The following TTLL5 variants were observed in gnomAD, a reference collection of about 807,000 sequenced individuals.
TTLL5 encodes tubulin tyrosine ligase like 5.
TTLL5 carries 132 observed loss-of-function variants against 168.4 expected under a neutral mutation model. That is an observed-to-expected ratio of 0.78 (90% CI 0.68 to 0.91). TTLL5 has a LOEUF of 0.91. Among genes scored for constraint, TTLL5 ranks in the 40% least tolerant of loss-of-function variants. The pLI is 0.00. For missense variants in TTLL5, 1,545 were observed against 1,581.5 expected (o/e 0.98, Z 0.39); for synonymous variants, 546 against 558.6 (o/e 0.98, Z 0.32).
chr14:75,763,867 C>G (rs1352381004), intron 18 of TTLL5, among the ~76,000 whole-genome samples: 1 of 152,182 alleles, frequency 6.6e-6, no homozygotes, highest in Non-Finnish European at 1.5e-5. Context: ...TTAGCCTTGT[C>G]CTATCTCTGC....
Position 75,771,753 on chromosome 14 carries a change from G to T in TTLL5, c.2035G>T (p.Ala679Ser), listed in dbSNP as rs370272277. The part of the protein sequence containing the change: ...GNLSKMQARI[A>S]FSAYLQHVQI... The stretch of plus-strand genomic sequence containing the variant: ...CTATAGCAAAATGCAGGCCCGAATA[G>T]CATTCTCTGCCTATCTCCAGCATGT... The change falls in exon 21 of 32, where the codon GCA (alanine) becomes TCA (serine). Residue 679 changes from alanine (A) to serine (S), a missense_variant. By Grantham distance (99) the Ala-to-Ser change is moderately conservative. Coordinates refer to ENST00000298832, the MANE Select transcript of TTLL5 (RefSeq NM_015072.5). 7 of 1,613,876 alleles carry T rather than the reference G, an allele frequency of 4.3e-6. No homozygotes were observed. The African/African-American group carries it at 9.3e-5, about 22-fold the overall frequency.
chr14:75,815,914 T>C (rs1894364712), intron 27 of TTLL5, among the ~76,000 whole-genome samples: 1 of 152,162 alleles, frequency 6.6e-6, no homozygotes, highest in Non-Finnish European at 1.5e-5. Context: ...CTAAGTGAAA[T>C]ATAAAACCCA....
intron 2 of TTLL5, among the ~76,000 whole-genome samples, chr14:75,667,597 T>C (rs946710881): frequency 1.3e-5 from 2 of 152,140 alleles, no homozygotes; most frequent in Admixed American, 1.3e-4. Flanking sequence ...AGCATCCACA[T>C]GCCATTTCTA....
At chr14:75,718,618 C>T (rs991114929) in intron 10 of TTLL5, among the ~76,000 whole-genome samples, 3 of 151,804 alleles carry the variant, frequency 2.0e-5, no homozygotes, top group African/African-American at 4.8e-5. Flanking sequence ...TTCTTTGTGC[C>T]ATTATGTATT....
intron 18 of TTLL5, among the ~76,000 whole-genome samples, chr14:75,762,995 C>T (rs1179351775): frequency 6.6e-6 from 1 of 151,854 alleles, no homozygotes; most frequent in Admixed American, 6.5e-5. Context: ...AGATTGTCTC[C>T]AATCACATTA....
chr14:75,783,482 G>A lies in TTLL5; in HGVS notation c.2938G>A (p.Ala980Thr), dbSNP rs1892174503. Residue 980 changes from alanine to threonine, a missense_variant, in exon 26 of 32, where the codon GCA (alanine) becomes ACA (threonine). Physicochemically the swap from Ala to Thr is moderately conservative, Grantham distance 58. Transcript: ENST00000298832. ...TCCCTTTTCTTCCTTCCAAAGTGCT[G>A]CACACATCTATAGCCAGAAACTGTC... ...IGPFSSFQSAAHIYSQKLSRP... is the reference protein window; with the variant it reads ...IGPFSSFQSATHIYSQKLSRP... The A allele has an allele frequency of 6.2e-7, 1 of 1,614,130 alleles. No homozygotes were observed.
chr14:75,833,879 C>CT (rs1431831743), intron 28 of TTLL5, among the ~76,000 whole-genome samples: 1 of 152,196 alleles, frequency 6.6e-6, no homozygotes, highest in Non-Finnish European at 1.5e-5. Flanking sequence ...TTTGATCTCT[C>CT]TGACTCCTCA....
At chr14:75,897,885 A>T (rs2032743268) in intron 30 of TTLL5, among the ~76,000 whole-genome samples, 1 of 152,212 alleles carries the variant, frequency 6.6e-6, no homozygotes, top group Non-Finnish European at 1.5e-5. Context: ...TCACTACATC[A>T]AGCAGCTTTC....
chr14:75,936,856 G>A (rs867622866), intron 31 of TTLL5, among the ~76,000 whole-genome samples: 1 of 152,112 alleles, frequency 6.6e-6, no homozygotes, highest in Non-Finnish European at 1.5e-5. Flanking sequence ...AAGAGAAAGG[G>A]GCTGAAACCC....
intron 28 of TTLL5, among the ~76,000 whole-genome samples, chr14:75,828,520 T>C (rs1895364952): frequency 6.6e-6 from 1 of 152,250 alleles, no homozygotes; most frequent in Non-Finnish European, 1.5e-5. Flanking sequence ...AATTACTGTT[T>C]ATCCGTAAGG....
chr14:75,841,817 T>G (rs1896272784), intron 28 of TTLL5, among the ~76,000 whole-genome samples: 2 of 152,172 alleles, frequency 1.3e-5, no homozygotes, highest in South Asian at 2.1e-4. Context: ...ATGGAAAGAT[T>G]AGGTGGCAAA....
intron 28 of TTLL5, chr14:75,837,198 C>T (rs967151840): frequency 5.3e-5 from 8 of 152,180 alleles, no homozygotes; most frequent in African/African-American, 1.7e-4. Flanking sequence ...CTCTCATATG[C>T]GTAATGAGTT....
At position 75,882,751 on chromosome 14, in the gene TTLL5, A is replaced by T; in HGVS notation, c.3589A>T (p.Arg1197Ter). ...LWTMNNGAGC[R>*]ISSATASGQK... ...GACAATGAATAATGGTGCAGGTTGTAGAATTTCCAGTGCCACAGCTAGTGG... is the reference window on the plus strand; with the variant it reads ...GACAATGAATAATGGTGCAGGTTGTTGAATTTCCAGTGCCACAGCTAGTGG... The change falls in exon 30 of 32, where the codon AGA (arginine) becomes TGA (stop). Residue 1197 changes from arginine to a stop codon, truncating the protein, a stop_gained. Coordinates refer to ENST00000298832, the MANE Select transcript of TTLL5 (RefSeq NM_015072.5). LOFTEE classifies it high-confidence loss of function. The T allele has an allele frequency of 6.2e-7, 1 of 1,614,050 alleles. No individual in the cohort carries two copies. Among genetic ancestry groups the T allele is most frequent in the South Asian group, 1.1e-5 (1 of 91,070 alleles).
At position 75,683,577 on chromosome 14, in the gene TTLL5, C is replaced by G; in HGVS notation, c.292C>G (p.Leu98Val). Residue 98 changes from leucine (L) to valine (V), a missense_variant, in exon 5 of 32, where the codon CTA becomes GTA. By Grantham distance (32) the Leu-to-Val change is conservative. Transcript: ENST00000298832. ...EVHPSSTDYN[L>V]MWTGSHLKPF... is the part of the protein sequence containing the mutation. ...TCACCCAAGCAGCACTGACTATAAC[C>G]TAATGTGGACAGGATCCCACCTGAA... The G allele has an allele frequency of 3.1e-6, 5 of 1,613,974 alleles. No individual in the cohort carries two copies. Among genetic ancestry groups the G allele is most frequent in the South Asian group, 1.1e-5 (1 of 91,084 alleles).
intron 31 of TTLL5, among the ~76,000 whole-genome samples, chr14:75,936,419 C>G (rs1301293747): frequency 6.6e-6 from 1 of 152,198 alleles, no homozygotes; most frequent in Non-Finnish European, 1.5e-5. Flanking sequence ...CTTGCTCTCC[C>G]TCCCTCTCTG....
At chr14:75,904,602 C>T (rs1341763539) in intron 31 of TTLL5, among the ~76,000 whole-genome samples, 1 of 152,146 alleles carries the variant, frequency 6.6e-6, no homozygotes, top group Non-Finnish European at 1.5e-5. Context: ...TTTTGTGGCA[C>T]TCATACTGAA....
intron 30 of TTLL5, among the ~76,000 whole-genome samples, chr14:75,889,336 A>G (rs1466211929): frequency 6.6e-6 from 1 of 152,252 alleles, no homozygotes; most frequent in African/African-American, 2.4e-5. Flanking sequence ...AATAATAGTC[A>G]GTAGTATAGG....
At chr14:75,880,071 C>A (rs2031719313) in intron 29 of TTLL5, among the ~76,000 whole-genome samples, 1 of 152,040 alleles carries the variant, frequency 6.6e-6, no homozygotes, top group Non-Finnish European at 1.5e-5. Context: ...CCTAGCTAAC[C>A]AATTCTTCTC....
chr14:75,813,392 C>T (rs921253836), intron 27 of TTLL5, among the ~76,000 whole-genome samples: 3 of 151,932 alleles, frequency 2.0e-5, no homozygotes, highest in African/African-American at 7.3e-5. Context: ...GTCTCAACCT[C>T]CTGCGCTCAA....
Sources: allele counts gnomAD v4.1 joint callset (sites outside exome capture counted in the v4.1 genomes callset), GRCh38; gene constraint gnomAD v4.1.1; transcripts MANE v1.5; gene names NCBI Gene and HGNC (gene_info 2026-07-23, HGNC 2026-07-21).